RNF111: variants seen among roughly 807,000 people sequenced by gnomAD.
RNF111 encodes ring finger protein 111, also known as E3 ubiquitin-protein ligase Arkadia.
In RNF111, 17 loss-of-function variants were observed where a neutral mutation model predicts 95.1. That is an observed-to-expected ratio of 0.18 (90% confidence interval 0.12 to 0.27). RNF111 has a LOEUF of 0.27. Ranked by LOEUF, RNF111 falls within the 10% of genes least tolerant of loss-of-function variation. The pLI is 1.00. For missense variants in RNF111, 1,189 were observed against 1,210.4 expected, an observed-to-expected ratio of 0.98 and a Z score of 0.26; for synonymous variants, 440 against 414.8, an observed-to-expected ratio of 1.06 and a Z score of -0.74.
chr15:59,078,306 GA>G (rs1260931222), intron 7 of RNF111, among the ~76,000 whole-genome samples: 5 of 152,134 alleles, frequency 3.3e-5, no homozygotes, highest in African/African-American at 1.2e-4. Flanking sequence ...TTGTGGTCTT[GA>G]TGAAGTGATA....
At chr15:59,031,830 A>G in intron 2 of RNF111, 128 bp downstream of exon 2, 1 of 815,222 alleles carries the variant, frequency 1.2e-6, no homozygotes, top group Non-Finnish European at 1.9e-6. Flanking sequence ...TTTTTAAGTC[A>G]TATAAATTAC....
At chr15:59,037,213 T>C (rs1163961731) in intron 2 of RNF111, among the ~76,000 whole-genome samples, 1 of 152,182 alleles carries the variant, frequency 6.6e-6, no homozygotes, top group Non-Finnish European at 1.5e-5. Context: ...CTTTTAACTT[T>C]ATTAGGGATT....
intron 1 of RNF111, among the ~76,000 whole-genome samples, chr15:59,004,963 C>T (rs2039474030): frequency 6.6e-6 from 1 of 152,158 alleles, no homozygotes; most frequent in Admixed American, 6.5e-5. Flanking sequence ...ATTTAATCTC[C>T]TATTTTGTGT....
chr15:59,079,193 ACTT>A (rs1487216241), intron 7 of RNF111, among the ~76,000 whole-genome samples: 1 of 152,228 alleles, frequency 6.6e-6, no homozygotes, highest in Non-Finnish European at 1.5e-5. Flanking sequence ...CTGAAACAAA[ACTT>A]CTTGCTTTGT....
rs555695062 is a variant in RNF111, at chr15:59,066,624, G to C, written c.1367-140G>C. The stretch of plus-strand genomic sequence containing the variant: ...GACTCCATCTCAAAAAAAAAAGAAC[G>C]TGGCACTATCACATTATTTACAGAG... On this transcript the variant is annotated intron_variant, in intron 5 of 13. Transcript: ENST00000348370. 113 of 714,906 alleles carry C rather than the reference G, an allele frequency of 1.6e-4. No homozygotes were observed. The South Asian group carries it at 2.1e-3, about 14-fold the overall frequency. The allele number at this position is 714,906 out of a possible 1,614,324, so 44.3% of individuals were successfully genotyped here. A position where few individuals can be genotyped will look rare whatever the true frequency, so the allele number is the denominator to read the frequency against.
chr15:59,083,399 G>A (rs1382230746), intron 8 of RNF111, among the ~76,000 whole-genome samples: 9 of 151,956 alleles, frequency 5.9e-5, no homozygotes, highest in Admixed American at 4.6e-4. Flanking sequence ...TTAGCTGGGC[G>A]TGGTGGCATG....
intron 1 of RNF111, among the ~76,000 whole-genome samples, chr15:58,999,980 A>T (rs531686992): frequency 4.7e-4 from 72 of 152,254 alleles, no homozygotes; most frequent in African/African-American, 1.6e-3. Flanking sequence ...GATGGTGCTG[A>T]ACCATTAGAA....
chr15:59,019,658 G>A lies in RNF111; in HGVS notation c.-19-11146G>A, dbSNP rs573734230. Among the ~76,000 whole-genome samples the A allele has an allele frequency of 3.3e-5, 5 of 152,102 alleles. No individual in the cohort carries two copies. In the South Asian group the frequency reaches 1.0e-3, roughly 32 times the overall value. ...TTGTACTTTTAAACATGTTATTATT[G>A]GATATTTAAAAGTATTTAAGCCAGG... On this transcript the variant is annotated intron_variant, in intron 1 of 13. Transcript: ENST00000348370.
chr15:59,001,862 A>T (rs1356947346), intron 1 of RNF111, among the ~76,000 whole-genome samples: 2 of 152,224 alleles, frequency 1.3e-5, no homozygotes, highest in African/African-American at 2.4e-5. Flanking sequence ...CAGCCACAAC[A>T]TGCATACCTA....
At chr15:59,009,948 T>TA (rs2039718009) in intron 1 of RNF111, among the ~76,000 whole-genome samples, 1 of 152,170 alleles carries the variant, frequency 6.6e-6, no homozygotes, top group Non-Finnish European at 1.5e-5. Context: ...AGCAAGACCT[T>TA]ATCTCAAAAA....
At chr15:59,032,358 A>G (rs1276025678) in intron 2 of RNF111, among the ~76,000 whole-genome samples, 1 of 152,142 alleles carries the variant, frequency 6.6e-6, no homozygotes, top group East Asian at 1.9e-4. Context: ...TTTTTCAGCT[A>G]CCTGTATGAT....
chr15:59,077,531 A>G (rs2078601931), intron 7 of RNF111, among the ~76,000 whole-genome samples: 1 of 152,152 alleles, frequency 6.6e-6, no homozygotes, highest in Non-Finnish European at 1.5e-5. Context: ...AATCAAACAT[A>G]TTCTACTTCT....
At chr15:59,024,893 C>A (rs1477137585) in intron 1 of RNF111, among the ~76,000 whole-genome samples, 1 of 152,176 alleles carries the variant, frequency 6.6e-6, no homozygotes, top group Non-Finnish European at 1.5e-5. Context: ...TTTGACTACT[C>A]TGGGTAATTC....
intron 1 of RNF111, among the ~76,000 whole-genome samples, chr15:59,013,260 C>T (rs985278882): frequency 5.9e-5 from 9 of 152,190 alleles, no homozygotes; most frequent in Admixed American, 6.5e-5. Context: ...ATATATCGCT[C>T]ACTCAGTTAC....
chr15:59,043,988 A>G (rs1271719788), intron 2 of RNF111, among the ~76,000 whole-genome samples: 2 of 152,184 alleles, frequency 1.3e-5, no homozygotes, highest in Admixed American at 1.3e-4. Flanking sequence ...GCATAATACT[A>G]TATGTGGCAC....
intron 1 of RNF111, among the ~76,000 whole-genome samples, chr15:59,002,484 A>C (rs539093347): frequency 6.6e-6 from 1 of 152,250 alleles, no homozygotes; most frequent in East Asian, 1.9e-4. Flanking sequence ...TAACATATGT[A>C]ATAATCTTAT....
chr15:58,997,674 G>A (rs1166778791), intron 1 of RNF111, among the ~76,000 whole-genome samples: 1 of 151,334 alleles, frequency 6.6e-6, no homozygotes, highest in Non-Finnish European at 1.5e-5. Context: ...AAATTAGCAG[G>A]GCGTGGTGGC....
At chr15:59,079,793 A>C (rs1381451449) in intron 7 of RNF111, among the ~76,000 whole-genome samples, 4 of 152,218 alleles carry the variant, frequency 2.6e-5, no homozygotes, top group African/African-American at 4.8e-5. Flanking sequence ...CCATCTTATT[A>C]AGGACTTTAC....
chr15:59,004,723 A>G (rs1447148140), intron 1 of RNF111, among the ~76,000 whole-genome samples: 1 of 152,200 alleles, frequency 6.6e-6, no homozygotes, highest in Non-Finnish European at 1.5e-5. Flanking sequence ...AGTTGCCCAA[A>G]TATACATTAT....
Sources: gnomAD v4.1 joint callset for allele counts (sites outside exome capture counted in the v4.1 genomes callset) on GRCh38, gnomAD v4.1.1 for gene constraint, MANE v1.5 for transcripts, NCBI Gene and HGNC (gene_info 2026-07-23, HGNC 2026-07-21) for gene names.